Variants in SP7 observed in about 807,000 individuals in gnomAD.
SP7 encodes transcription factor Sp7.
SP7 carries 13 observed loss-of-function variants against 27.9 expected under a neutral mutation model. The ratio of observed to expected loss-of-function variants is 0.47; its 90% CI spans 0.30 to 0.74. The LOEUF is 0.74. Ranked by LOEUF, SP7 falls within the 30% of genes least tolerant of loss-of-function variation. The probability of loss-of-function intolerance (pLI) is 0.06; values close to 1 mark genes in which losing one functional copy is unlikely to be tolerated. For synonymous variants in SP7, 219 were observed against 226.7 expected (o/e 0.97, Z 0.31); for missense variants, 525 against 558.0 (o/e 0.94, Z 0.60).
At chr12:53,341,375 G>A (rs114126215) in intron 1 of SP7, among the ~76,000 whole-genome samples, 4 of 152,334 alleles carry the variant, frequency 2.6e-5, no homozygotes, top group African/African-American at 9.6e-5. Flanking sequence ...CTGGATGGCA[G>A]GGGACAAAGT....
rs1246005359 is a variant in SP7, at chr12:53,333,357, G to A, written c.21+2269C>T. Reference sequence around the variant, plus strand: ...CCACCCTTAAAACAAAACAAAACAAGACAAACAGAATTAAAGTATTGAAGT... The same window carrying A: ...CCACCCTTAAAACAAAACAAAACAAAACAAACAGAATTAAAGTATTGAAGT... On this transcript the variant is annotated intron_variant, in intron 2 of 2. Coordinates refer to ENST00000536324, the MANE Select transcript of SP7 (RefSeq NM_001173467.3). 2.6e-5 allele frequency among the ~76,000 whole-genome samples: 4 copies of A among 152,016 alleles called. No homozygotes were observed. In the East Asian group the frequency reaches 7.7e-4, roughly 29 times the overall value.
intron 2 of SP7, among the ~76,000 whole-genome samples, chr12:53,335,051 G>T (rs1181153296): frequency 6.6e-6 from 1 of 152,060 alleles, no homozygotes. Context: ...TCCCCCACAG[G>T]CACAGGCTGG....
chr12:53,328,350 G>T lies in SP7; in HGVS notation c.1092C>A (p.Thr364=). 6.2e-7 allele frequency: 1 copy of T among 1,612,646 alleles called. No individual in the cohort carries two copies. The highest frequency in any genetic ancestry group is 8.5e-7 in the Non-Finnish European group (1 of 1,178,908). The stretch of plus-strand genomic sequence containing the variant: ...GGTGTTTGCTCAGGTGGTCGCTTCG[G>T]GTAAAGCGCTTGGAGCAGAGCAGGC... ...FTCLLCSKRF[T]RSDHLSKHQR... The change falls in exon 3 of 3, where the codon ACC becomes ACA. Residue 364 remains threonine (T), a synonymous_variant. Coordinates refer to ENST00000536324, the MANE Select transcript of SP7 (RefSeq NM_001173467.3). The surrounding 1 kb of genome is among the most constrained non-coding windows in gnomAD (Gnocchi z 5.1).
rs753819893 is a variant in SP7 at position 53,328,788 on chromosome 12, T to G, written c.654A>C (p.Pro218=). 4 of 1,598,012 alleles carry G rather than the reference T, an allele frequency of 2.5e-6. No individual in the cohort carries two copies. The highest frequency in any genetic ancestry group is 1.7e-6 in the Non-Finnish European group (2 of 1,168,638). Residue 218 remains proline (P), a synonymous_variant, in exon 3 of 3, where the codon CCA becomes CCC. Coordinates refer to ENST00000536324, the MANE Select transcript of SP7 (RefSeq NM_001173467.3). The surrounding 1 kb of genome is among the most constrained non-coding windows in gnomAD (Gnocchi z 5.1). ...APYPAPHLLQ[P]GPQHVLPQDV... ...CTTGGGGCAAGACATGCTGGGGCCC[T>G]GGTTGCAAGAGGTGGGGAGCTGGGT...
rs199673881 is a variant in SP7 at position 53,328,577 on chromosome 12, G to A, written c.865C>T (p.Arg289Trp). 326 of 1,609,316 alleles carry A rather than the reference G, an allele frequency of 2.0e-4. No individual in the cohort carries two copies. The East Asian group carries it at 6.5e-3, about 32-fold the overall frequency. ...TGGCAGCTGTGGATGGGCTTCTTCC[G>A]CAGCCCAGCCGCTGCTGCTCCCAGC... Reference protein sequence around the residue: ...ERLGAAAAGLRKKPIHSCHIP... With the variant: ...ERLGAAAAGLWKKPIHSCHIP... The change falls in exon 3 of 3, where the codon CGG (arginine) becomes TGG (tryptophan). Residue 289 changes from arginine to tryptophan, a missense_variant. By Grantham distance (101) the Arg-to-Trp change is moderately radical. Transcript: ENST00000536324. This position sits in a 1 kb window ranked among gnomAD's most constrained non-coding sequence, Gnocchi z 5.1.
rs1315947436 is a variant in SP7 at position 53,327,342 on chromosome 12, A to G, written c.*804T>C. The G allele has an allele frequency of 6.6e-6, 1 of 152,572 alleles. No individual in the cohort carries two copies. Among genetic ancestry groups the G allele is most frequent in the African/African-American group, 2.4e-5 (1 of 41,460 alleles). 9.5% of individuals were successfully genotyped at this position (152,572 alleles called of 1,614,324 possible). Reference sequence around the variant, plus strand: ...CTATCAACTGAGATTCTGATGATAGACATTCTATTAACAAGATCTTCTCCA... The same window carrying G: ...CTATCAACTGAGATTCTGATGATAGGCATTCTATTAACAAGATCTTCTCCA... On this transcript the variant is annotated 3_prime_UTR_variant, in exon 3 of 3. Coordinates refer to ENST00000536324, the MANE Select transcript of SP7 (RefSeq NM_001173467.3).
At chr12:53,335,561 G>T in intron 2 of SP7, 65 bp downstream of exon 2, 1 of 824,380 alleles carries the variant, frequency 1.2e-6, no homozygotes, top group African/African-American at 1.7e-5. Context: ...GGAGGAGGTG[G>T]GTGGGCAAGG....
At chr12:53,339,672 C>G (rs1373515119), upstream of SP7, among the ~76,000 whole-genome samples, 1 of 146,152 alleles carries the variant, frequency 6.8e-6, no homozygotes, top group East Asian at 2.0e-4. Flanking sequence ...TTGCAGTGAG[C>G]TGAGATCATG....
chr12:53,340,792 C>G (rs1303531726), upstream of SP7, among the ~76,000 whole-genome samples: 2 of 152,152 alleles, frequency 1.3e-5, no homozygotes, highest in Non-Finnish European at 2.9e-5. Context: ...CAGAAAGACA[C>G]AGGAGAGACA....
At chr12:53,340,147 A>C (rs1057277624), upstream of SP7, among the ~76,000 whole-genome samples, 2 of 152,106 alleles carry the variant, frequency 1.3e-5, no homozygotes, top group Non-Finnish European at 2.9e-5. Flanking sequence ...CCAATCATAA[A>C]AATGCACACA....
At chr12:53,341,764 C>CA (rs1944824181) in intron 1 of SP7, among the ~76,000 whole-genome samples, 1 of 152,028 alleles carries the variant, frequency 6.6e-6, no homozygotes, top group African/African-American at 2.4e-5. Context: ...GCCAACATGG[C>CA]AAAACCCTGT....
At chr12:53,337,339 G>A (rs536173875), upstream of SP7, among the ~76,000 whole-genome samples, 7 of 152,320 alleles carry the variant, frequency 4.6e-5, no homozygotes, top group East Asian at 1.3e-3. Context: ...TAGGAAGTAA[G>A]AGAAGGAAGG....
chr12:53,332,362 G>A (rs1410529591), intron 2 of SP7, among the ~76,000 whole-genome samples: 1 of 152,206 alleles, frequency 6.6e-6, no homozygotes, highest in Non-Finnish European at 1.5e-5. Flanking sequence ...AGGGTTGCTT[G>A]AGGCCAGCAG....
At chr12:53,332,933 G>T (rs1292144589) in intron 2 of SP7, among the ~76,000 whole-genome samples, 1 of 151,492 alleles carries the variant, frequency 6.6e-6, no homozygotes, top group Non-Finnish European at 1.5e-5. Flanking sequence ...GCCGTCCCCC[G>T]CCCGGCCCTC....
At chr12:53,332,826 C>T (rs1454657482) in intron 2 of SP7, among the ~76,000 whole-genome samples, 1 of 152,164 alleles carries the variant, frequency 6.6e-6, no homozygotes, top group Non-Finnish European at 1.5e-5. Context: ...GACCAGGCCA[C>T]TCCTCCCTTC....
rs566558962 is a variant in SP7, at chr12:53,341,958, G to C, written c.-34+3156C>G. 2.6e-5 allele frequency among the ~76,000 whole-genome samples: 4 copies of C among 152,216 alleles called. No individual in the cohort carries two copies. In the East Asian group the frequency reaches 7.7e-4, roughly 29 times the overall value. ...GCCTGTAGTCCCAGCTACTTGGTAG[G>C]CTGAGGCAGAAGAATGGCGTGACCG... On this transcript the variant is annotated intron_variant, in intron 1 of 1. Coordinates refer to the SP7 transcript ENST00000547755.
chr12:53,331,007 C>T (rs973265670), intron 2 of SP7, among the ~76,000 whole-genome samples: 2 of 152,176 alleles, frequency 1.3e-5, no homozygotes, highest in East Asian at 3.9e-4. Flanking sequence ...TTTGAGAGGG[C>T]TGTAAGAGCC....
intron 1 of SP7, 74 bp from the exon 2 acceptor site, chr12:53,335,767 A>T (rs1056385121): frequency 1.7e-6 from 2 of 1,190,362 alleles, no homozygotes; most frequent in Non-Finnish European, 2.1e-6. Context: ...GAGAGAAGAG[A>T]TCTAAAGTTA....
At chr12:53,331,929 C>T (rs1033756822) in intron 2 of SP7, among the ~76,000 whole-genome samples, 2 of 152,106 alleles carry the variant, frequency 1.3e-5, no homozygotes, top group African/African-American at 4.8e-5. Flanking sequence ...GTGTGCAGTC[C>T]CCACTTCTGC....
Sources: allele counts gnomAD v4.1 joint callset (sites outside exome capture counted in the v4.1 genomes callset), GRCh38; gene constraint gnomAD v4.1.1; non-coding constraint Gnocchi (gnomAD v3.1); transcripts MANE v1.5; gene names NCBI Gene and HGNC (gene_info 2026-07-23, HGNC 2026-07-21).